The following SLX4 variants were observed in gnomAD, a reference collection of about 807,000 sequenced individuals.
The protein encoded by SLX4 is SLX4 structure-specific endonuclease subunit, also known as structure-specific endonuclease subunit SLX4.
SLX4 carries 112 observed loss-of-function variants against 146.2 expected under a neutral mutation model. The ratio of observed to expected loss-of-function variants is 0.77; its 90% CI spans 0.66 to 0.90. SLX4 has a LOEUF of 0.90. Among genes scored for constraint, SLX4 ranks in the 40% least tolerant of loss-of-function variants. SLX4 has a pLI of 0.00. For synonymous variants in SLX4, 1,061 were observed against 997.7 expected (o/e 1.06, Z -1.20); for missense variants, 2,563 against 2,392.7 (o/e 1.07, Z -1.49).
At chr16:3,602,378 T>G (rs945242505) in intron 3 of SLX4, 71 bp from the exon 4 acceptor site, 1 of 1,567,688 alleles carries the variant, frequency 6.4e-7, no homozygotes, top group African/African-American at 1.3e-5. Flanking sequence ...CTCTGCTCTG[T>G]CAGCTCCTGC....
At chr16:3,587,347 T>G (rs1198828537) in intron 12 of SLX4, among the ~76,000 whole-genome samples, 7 of 151,924 alleles carry the variant, frequency 4.6e-5, no homozygotes, top group Non-Finnish European at 1.0e-4. Context: ...AATACAAAAA[T>G]TAGCTGGGCG....
Position 3,584,466 on chromosome 16 carries a change from G to A in SLX4, c.4739+303C>T, listed in dbSNP as rs1359567813. 6.6e-5 allele frequency among the ~76,000 whole-genome samples: 10 copies of A among 152,288 alleles called. 1 individual carries two copies. In the South Asian group the frequency reaches 1.0e-3, roughly 16 times the overall value. On this transcript the variant is annotated intron_variant, in intron 13 of 14. Transcript: ENST00000294008. ...CCTCACTCAGACTGCTCTGGCTAGG[G>A]GGCCATTTCCATCTACATGGAATAT...
chr16:3,595,015 G>A (rs577245297), intron 9 of SLX4, among the ~76,000 whole-genome samples: 3 of 152,200 alleles, frequency 2.0e-5, no homozygotes, highest in South Asian at 2.1e-4. Context: ...GAGGACAGCC[G>A]GGTCCAGTCT....
chr16:3,582,716 G>A (rs768176328), intron 14 of SLX4, 23 bp from the exon 15 acceptor site: 10 of 1,592,748 alleles, frequency 6.3e-6, no homozygotes, highest in Admixed American at 1.7e-5. Flanking sequence ...AGACCAGGAC[G>A]TTGTGCAACC....
chr16:3,591,347 CGTGGAGATGGG>C, intron 11 of SLX4, 37 bp from the exon 12 acceptor site: 1 of 1,604,786 alleles, frequency 6.2e-7, no homozygotes, highest in African/African-American at 1.3e-5. Flanking sequence ...CGCCCCTCTG[CGTGGAGATGGG>C]CTCTGGGTGC....
At chr16:3,596,647 G>C (rs1000822449) in intron 7 of SLX4, among the ~76,000 whole-genome samples, 1 of 152,208 alleles carries the variant, frequency 6.6e-6, no homozygotes, top group Non-Finnish European at 1.5e-5. Flanking sequence ...TTGCACAAAG[G>C]CTTGTCAGAG....
intron 12 of SLX4, among the ~76,000 whole-genome samples, chr16:3,588,739 T>C (rs2040536881): frequency 6.6e-6 from 1 of 152,070 alleles, no homozygotes; most frequent in Non-Finnish European, 1.5e-5. Flanking sequence ...TCCACAGATG[T>C]GGATTTTTAA....
At chr16:3,594,102 T>C (rs2040622787) in intron 10 of SLX4, among the ~76,000 whole-genome samples, 1 of 152,050 alleles carries the variant, frequency 6.6e-6, no homozygotes, top group Non-Finnish European at 1.5e-5. Flanking sequence ...CTCCTGACCT[T>C]GTGATCTGCC....
Position 3,590,366 on chromosome 16 carries a change from A to C in SLX4, c.3272T>G (p.Leu1091Arg). 6.2e-7 allele frequency: 1 copy of C among 1,614,228 alleles called. No individual in the cohort carries two copies. The highest frequency in any genetic ancestry group is 2.2e-5 in the East Asian group (1 of 44,878). ...TTTCTGGTGCCCTGGCTCTTTAGAC[A>C]GCGTGAGGATGCTCCTGTCCCTTTT... ...KQKRDRSILT[L>R]SKEPGHQKGK... The change falls in exon 12 of 15, where the codon CTG becomes CGG. Residue 1091 changes from leucine (L) to arginine (R), a missense_variant. Transcript: ENST00000294008. This position sits in a 1 kb window ranked among gnomAD's most constrained non-coding sequence, Gnocchi z 4.8.
rs577529582 is a variant in SLX4, at chr16:3,596,094, G to A, written c.1924+59C>T. 477 of 1,526,436 alleles carry A rather than the reference G, an allele frequency of 3.1e-4. No homozygotes were observed. The highest frequency in any genetic ancestry group is 5.2e-4 in the Middle Eastern group (3 of 5,796). The allele number at this position is 1,526,436 out of a possible 1,614,324, so 94.6% of individuals were successfully genotyped here. A position where few individuals can be genotyped will look rare whatever the true frequency, so the allele number is the denominator to read the frequency against. The stretch of plus-strand genomic sequence containing the variant: ...GAGCCAGTCCATGGCAGCCTCAGCC[G>A]CGGGGAGGGGAGGCCCGGGAGGGCA... On this transcript the variant is annotated intron_variant, in intron 8 of 14. Transcript: ENST00000294008.
rs2040592267 is a variant in SLX4, at chr16:3,591,286, GTGAACGAGCTCACTCACGCCAAACC to G, written c.2328-1_2351del. The G allele has an allele frequency of 6.2e-7, 1 of 1,611,812 alleles. No homozygotes were observed. The highest frequency in any genetic ancestry group is 8.5e-7 in the Non-Finnish European group (1 of 1,180,026). ...TGGCAATAGGCACCTGTTCGCACAG[GTGAACGAGCTCACTCACGCCAAACC>G]TGCAACACGAAACATCGACAGTCAT... On this transcript the variant is annotated splice_acceptor_variant and coding_sequence_variant, in exon 12 of 15. Transcript: ENST00000294008. LOFTEE classifies it high-confidence loss of function.
At position 3,594,489 on chromosome 16, in the gene SLX4, G is replaced by A. The variant is rs564042887; in HGVS notation, c.2124C>T (p.Phe708=). 18 of 1,614,034 alleles carry A rather than the reference G, an allele frequency of 1.1e-5. No homozygotes were observed. The highest frequency in any genetic ancestry group is 8.3e-5 in the Admixed American group (5 of 59,996). Residue 708 remains phenylalanine, a synonymous_variant, in exon 10 of 15, where the codon TTC becomes TTT. Coordinates refer to ENST00000294008, the MANE Select transcript of SLX4 (RefSeq NM_032444.4). ...DSGEVLYAHK[F]VLYARCPLLI... is the part of the protein sequence containing the mutation. ...GGAGCGGGCATCGGGCATAAAGCAC[G>A]AACTTGTGGGCGTAAAGCACCTCCC...
rs550987587 is a variant in SLX4, at chr16:3,581,217, T to C, written c.*1125A>G. 3.3e-5 allele frequency: 5 copies of C among 152,790 alleles called. No homozygotes were observed. The highest frequency in any genetic ancestry group is 3.3e-4 in the Admixed American group (5 of 15,312). 9.5% of individuals were successfully genotyped at this position (152,790 alleles called of 1,614,324 possible). A position where few individuals can be genotyped will look rare whatever the true frequency, so the allele number is the denominator to read the frequency against. On this transcript the variant is annotated 3_prime_UTR_variant, in exon 15 of 15. Coordinates refer to ENST00000294008, the MANE Select transcript of SLX4 (RefSeq NM_032444.4). ...CCTTTTTGGTTTATTGCACATCATATAAAACTGACTGCACTGTATTTGAAA... is the reference window on the plus strand; with the variant it reads ...CCTTTTTGGTTTATTGCACATCATACAAAACTGACTGCACTGTATTTGAAA...
chr16:3,607,704 TA>T (rs1296565926), intron 2 of SLX4, among the ~76,000 whole-genome samples: 2 of 151,846 alleles, frequency 1.3e-5, no homozygotes, highest in Non-Finnish European at 2.9e-5. Context: ...AGTAAGTAAA[TA>T]AATCAATAAC....
rs116077183 is a variant in SLX4 at position 3,599,200 on chromosome 16, C to T, written c.1164-1201G>A. On this transcript the variant is annotated intron_variant, in intron 5 of 14. Transcript: ENST00000294008. ...TGCCATGCTAAATACAGATGCGCTC[C>T]TCCACCAAGAGAATCCCCTCTGCCC... Among the ~76,000 whole-genome samples the T allele has an allele frequency of 8.6e-3, 1,310 of 152,336 alleles. 23 individuals carry two copies. Among genetic ancestry groups the T allele is most frequent in the African/African-American group, 0.03 (1,250 of 41,582 alleles).
In SLX4 at chr16:3,608,515, T is replaced by C; in HGVS notation, c.450A>G (p.Pro150=). 2 of 1,614,168 alleles carry C rather than the reference T, an allele frequency of 1.2e-6. No homozygotes were observed. The highest frequency in any genetic ancestry group is 1.7e-6 in the Non-Finnish European group (2 of 1,180,042). Reference sequence around the variant, plus strand: ...TTTGTGCTGTTTCCCGGAGCACAGGTGGATCTGGAGCAGAGGCAAGCACAC... The same window carrying C: ...TTTGTGCTGTTTCCCGGAGCACAGGCGGATCTGGAGCAGAGGCAAGCACAC... ...EGGVLASAPD[P]PVLRETAQNT... Residue 150 remains proline, a synonymous_variant, in exon 2 of 15, where the codon CCA becomes CCG. Coordinates refer to ENST00000294008, the MANE Select transcript of SLX4 (RefSeq NM_032444.4).
In SLX4 at chr16:3,609,200, A is replaced by G; in HGVS notation, c.-236T>C. 2.1e-6 allele frequency: 1 copy of G among 473,234 alleles called. No individual in the cohort carries two copies. 29.3% of individuals were successfully genotyped at this position (473,234 alleles called of 1,614,324 possible). ...GGGGGGTGGATCACCTGAGGTCAGA[A>G]GTTCGAGACCAGCCTGGCCAATATG... On this transcript the variant is annotated 5_prime_UTR_variant, in exon 2 of 15. Transcript: ENST00000294008.
intron 12 of SLX4, among the ~76,000 whole-genome samples, 172 bp downstream of exon 12, chr16:3,588,830 G>A (rs574250992): frequency 6.6e-6 from 1 of 152,284 alleles, no homozygotes; most frequent in East Asian, 1.9e-4. Flanking sequence ...ATGAGAACCA[G>A]CCCGGCTCTC....
chr16:3,588,970 A>C (rs989242525), intron 12 of SLX4, 32 bp downstream of exon 12: 4 of 1,613,406 alleles, frequency 2.5e-6, no homozygotes, highest in Non-Finnish European at 3.4e-6. Context: ...TAACAAAGAC[A>C]GTCCCCTTCC....
Sources: gnomAD v4.1 joint callset for allele counts (sites outside exome capture counted in the v4.1 genomes callset) on GRCh38, gnomAD v4.1.1 for gene constraint, Gnocchi (gnomAD v3.1) non-coding constraint, MANE v1.5 for transcripts, NCBI Gene and HGNC (gene_info 2026-07-23, HGNC 2026-07-21) for gene names.